Variants in DPP10 observed in about 807,000 individuals in gnomAD.
The protein encoded by DPP10 is inactive dipeptidyl peptidase 10.
A neutral mutation model predicts 120.9 loss-of-function variants in DPP10; 33 were observed. That is an observed-to-expected ratio of 0.27 (90% confidence interval 0.21 to 0.37). The LOEUF (loss-of-function observed/expected upper bound fraction) is 0.37, where lower values mean the gene tolerates loss of function less well. Among genes scored for constraint, DPP10 ranks in the 10% least tolerant of loss-of-function variants. The pLI, the probability that DPP10 is intolerant of heterozygous loss-of-function variation, is 1.00. For synonymous variants in DPP10, 337 were observed against 326.1 expected (o/e 1.03, Z -0.36); for missense variants, 816 against 942.8 (o/e 0.87, Z 1.76).
At chr2:114,724,771 G>C (rs893597909) in intron 1 of DPP10, among the ~76,000 whole-genome samples, 1 of 152,204 alleles carries the variant, frequency 6.6e-6, no homozygotes, top group African/African-American at 2.4e-5. Flanking sequence ...ATGTTTGAAG[G>C]CCACTCCCCT....
At chr2:115,507,775 T>C (rs1238290222) in intron 4 of DPP10, among the ~76,000 whole-genome samples, 1 of 152,176 alleles carries the variant, frequency 6.6e-6, no homozygotes, top group African/African-American at 2.4e-5. Context: ...CTGTCAATTA[T>C]ATGGAGAGCA....
At chr2:115,540,889 C>G (rs1297555716) in intron 5 of DPP10, among the ~76,000 whole-genome samples, 1 of 151,748 alleles carries the variant, frequency 6.6e-6, no homozygotes, top group Admixed American at 6.6e-5. Flanking sequence ...TGAGGGAGAG[C>G]ATTTTATTAA....
intron 3 of DPP10, among the ~76,000 whole-genome samples, chr2:115,471,889 G>A (rs942822165): frequency 2.0e-5 from 3 of 151,982 alleles, no homozygotes; most frequent in Non-Finnish European, 2.9e-5. Context: ...AAAGTGCTAG[G>A]ACTGCAGGTG....
intron 1 of DPP10, among the ~76,000 whole-genome samples, chr2:114,801,035 G>A (rs1684150281): frequency 6.6e-6 from 1 of 151,910 alleles, no homozygotes. Flanking sequence ...AGGCCGAGGA[G>A]GGCAGATCAC....
intron 1 of DPP10, among the ~76,000 whole-genome samples, chr2:114,971,748 G>A (rs539379798): frequency 6.6e-6 from 1 of 152,186 alleles, no homozygotes; most frequent in Non-Finnish European, 1.5e-5. Flanking sequence ...TTTTTCTAAG[G>A]CACAACTTCA....
chr2:115,414,255 T>TTC (rs1487710396), intron 3 of DPP10, among the ~76,000 whole-genome samples: 1 of 152,174 alleles, frequency 6.6e-6, no homozygotes, highest in African/African-American at 2.4e-5. Flanking sequence ...TAAATGTACT[T>TTC]TCAAGGCAAG....
intron 1 of DPP10, among the ~76,000 whole-genome samples, chr2:114,698,823 T>A (rs1311784015): frequency 6.6e-6 from 1 of 152,074 alleles, no homozygotes; most frequent in African/African-American, 2.4e-5. Context: ...TGCATTCAAA[T>A]GAATAAAAAC....
intron 1 of DPP10, among the ~76,000 whole-genome samples, chr2:114,582,208 T>G (rs141486897): frequency 2.9e-4 from 44 of 152,334 alleles, no homozygotes; most frequent in African/African-American, 1.0e-3. Flanking sequence ...TGGAATCATA[T>G]GATTGGCTTC....
chr2:114,865,684 A>G (rs1328746246), intron 1 of DPP10, among the ~76,000 whole-genome samples: 1 of 152,166 alleles, frequency 6.6e-6, no homozygotes, highest in Non-Finnish European at 1.5e-5. Context: ...AACAGGAAGG[A>G]AGATTAACTT....
chr2:114,571,644 G>A (rs1197410441), intron 1 of DPP10, among the ~76,000 whole-genome samples: 5 of 152,018 alleles, frequency 3.3e-5, no homozygotes, highest in Admixed American at 2.6e-4. Flanking sequence ...ACAGAAAAAT[G>A]TGCTTTCTAT....
chr2:115,137,927 A>G (rs1193507478), intron 1 of DPP10, among the ~76,000 whole-genome samples: 1 of 152,126 alleles, frequency 6.6e-6, no homozygotes. Flanking sequence ...ACAGCTTTAC[A>G]CAGAGAAATG....
chr2:115,824,443 G>T (rs945548940), intron 21 of DPP10, among the ~76,000 whole-genome samples: 1 of 152,020 alleles, frequency 6.6e-6, no homozygotes, highest in Non-Finnish European at 1.5e-5. Context: ...CATGCATTAG[G>T]TATTTGTCCT....
intron 1 of DPP10, among the ~76,000 whole-genome samples, chr2:115,204,939 G>T (rs751340217): frequency 1.3e-5 from 2 of 151,996 alleles, no homozygotes; most frequent in Non-Finnish European, 2.9e-5. Flanking sequence ...TTTTAATGGG[G>T]TTGCCTTTTG....
intron 3 of DPP10, among the ~76,000 whole-genome samples, chr2:115,364,437 C>T (rs1381828085): frequency 6.6e-6 from 1 of 152,082 alleles, no homozygotes; most frequent in Non-Finnish European, 1.5e-5. Flanking sequence ...GCTCAAATCA[C>T]ATAAAGAGGA....
intron 1 of DPP10, among the ~76,000 whole-genome samples, chr2:115,260,808 G>A (rs886665704): frequency 1.3e-5 from 2 of 152,154 alleles, no homozygotes; most frequent in African/African-American, 4.8e-5. Flanking sequence ...AAAACTTTGA[G>A]TGGGGCAGTA....
chr2:115,495,117 G>C (rs1209223267), intron 3 of DPP10, among the ~76,000 whole-genome samples: 1 of 151,998 alleles, frequency 6.6e-6, no homozygotes, highest in Non-Finnish European at 1.5e-5. Flanking sequence ...CATTTTACAA[G>C]AGTCGGAGTG....
rs147959695 is a variant in DPP10, at chr2:115,599,973, A to G, written c.441+74001A>G. The stretch of plus-strand genomic sequence containing the variant: ...TACCTTGAGTTTATGCACTGAATTA[A>G]GGGTTCCTTTTTCCTGGTCTCTCCT... On this transcript the variant is annotated intron_variant, in intron 5 of 25. Transcript: ENST00000410059. Among the ~76,000 whole-genome samples the G allele has an allele frequency of 2.1e-3, 317 of 152,188 alleles. 3 individuals carry two copies. Among genetic ancestry groups the G allele is most frequent in the African/African-American group, 7.0e-3 (292 of 41,538 alleles).
chr2:114,922,530 T>G (rs1272674881), intron 1 of DPP10, among the ~76,000 whole-genome samples: 1 of 152,190 alleles, frequency 6.6e-6, no homozygotes, highest in African/African-American at 2.4e-5. Context: ...CAGACTGACC[T>G]AGAACTCTTG....
At chr2:114,762,362 C>T (rs1428266535) in intron 1 of DPP10, among the ~76,000 whole-genome samples, 2 of 152,078 alleles carry the variant, frequency 1.3e-5, no homozygotes, top group Admixed American at 1.3e-4. Context: ...TGTTGCATTG[C>T]TTGATATAAT....
Sources: allele counts gnomAD v4.1 joint callset (sites outside exome capture counted in the v4.1 genomes callset), GRCh38; gene constraint gnomAD v4.1.1; transcripts MANE v1.5; gene names NCBI Gene and HGNC (gene_info 2026-07-23, HGNC 2026-07-21).